The following GSTT4 variants were observed in gnomAD, a reference collection of about 807,000 sequenced individuals.
GSTT4 encodes glutathione S-transferase theta-4.
the GSTT4 span, among the ~76,000 whole-genome samples, chr22:23,992,525 G>A: frequency 6.9e-6 from 1 of 144,630 alleles, no homozygotes; most frequent in African/African-American, 2.6e-5. Context: ...TAGCAGTGTC[G>A]GCCTTGTGGG....
intron 2 of GSTT4, among the ~76,000 whole-genome samples, chr22:24,002,717 G>A (rs1268387549): frequency 6.6e-6 from 1 of 151,626 alleles, no homozygotes; most frequent in Admixed American, 6.6e-5. Flanking sequence ...TGTAGTCCCA[G>A]CTACTCAGGA....
At chr22:23,995,360 A>G (rs1218497849), downstream of GSTT4, among the ~76,000 whole-genome samples, 1 of 152,156 alleles carries the variant, frequency 6.6e-6, no homozygotes, top group Non-Finnish European at 1.5e-5. Context: ...TTCAACAGAA[A>G]CCCAGTAGCG....
At chr22:24,003,238 A>C (rs1430218587) in intron 2 of GSTT4, among the ~76,000 whole-genome samples, 2 of 78,790 alleles carry the variant, frequency 2.5e-5, no homozygotes, top group Non-Finnish European at 5.9e-5. Context: ...TTGAGATGGG[A>C]TCTCACTCTG....
the GSTT4 span, among the ~76,000 whole-genome samples, chr22:23,992,782 C>CAT: frequency 6.9e-6 from 1 of 145,206 alleles, no homozygotes. Context: ...CTCTACTATT[C>CAT]TTTTTTTTTT....
rs1038932906 is a variant in GSTT4, at chr22:23,998,693, G to C, written c.575C>G (p.Ala192Gly). ...YNVFLNSSKL[A>G]EWRMQVELNI... ...CAGCTCCACCTGCATACGCCACTCA[G>C]CTAGCTTGGAGCTGTTGAGGAAGAC... Residue 192 changes from alanine to glycine, a missense_variant, in exon 5 of 5, where the codon GCT becomes GGT. By Grantham distance (60) the Ala-to-Gly change is moderately conservative. Coordinates refer to ENST00000621179, the MANE Select transcript of GSTT4 (RefSeq NM_001358664.2). 1 of 154,818 alleles carries C rather than the reference G, an allele frequency of 6.5e-6. No homozygotes were observed. Among genetic ancestry groups the C allele is most frequent in the African/African-American group, 2.4e-5 (1 of 41,498 alleles). The allele number at this position is 154,818 out of a possible 1,614,324, so 9.6% of individuals were successfully genotyped here. A position where few individuals can be genotyped will look rare whatever the true frequency, so the allele number is the denominator to read the frequency against.
the GSTT4 span, among the ~76,000 whole-genome samples, chr22:23,992,855 G>T: frequency 3.4e-5 from 5 of 146,778 alleles, no homozygotes; most frequent in Admixed American, 2.7e-4. Context: ...TTAGCTTACT[G>T]CAGCCTCGAC....
intron 2 of GSTT4, among the ~76,000 whole-genome samples, chr22:24,003,040 T>C (rs1407994613): frequency 6.6e-6 from 1 of 152,150 alleles, no homozygotes; most frequent in Non-Finnish European, 1.5e-5. Context: ...GCAATCAGAG[T>C]TCACTGCAGT....
chr22:24,005,122 C>T (rs1212605552), intron 1 of GSTT4, 123 bp downstream of exon 1: 1 of 98,766 alleles, frequency 1.0e-5, no homozygotes. Context: ...GATAGCACCA[C>T]CGTACTCCAT....
intron 4 of GSTT4, 141 bp downstream of exon 4, chr22:23,999,934 C>G (rs2034189039): frequency 1.3e-5 from 2 of 154,024 alleles, no homozygotes; most frequent in South Asian, 4.1e-4. Context: ...TCCAGGCCCC[C>G]AGGCCTGGTT....
chr22:23,995,886 A>G (rs2034110817), downstream of GSTT4, among the ~76,000 whole-genome samples: 1 of 152,100 alleles, frequency 6.6e-6, no homozygotes, highest in African/African-American at 2.4e-5. Context: ...TTCATCCTTT[A>G]TTGCAAATGT....
At chr22:24,002,402 C>G (rs2034251332) in intron 2 of GSTT4, among the ~76,000 whole-genome samples, 1 of 152,270 alleles carries the variant, frequency 6.6e-6, no homozygotes, top group African/African-American at 2.4e-5. Context: ...TGATTGATGG[C>G]TGGTGTGGGA....
chr22:24,001,911 A>G (rs1413073176), intron 2 of GSTT4, among the ~76,000 whole-genome samples: 1 of 152,280 alleles, frequency 6.6e-6, no homozygotes, highest in African/African-American at 2.4e-5. Flanking sequence ...GAGTCACTTG[A>G]ACCTGGGAGG....
intron 2 of GSTT4, among the ~76,000 whole-genome samples, chr22:24,002,110 T>A (rs1268405867): frequency 6.6e-6 from 1 of 152,244 alleles, no homozygotes; most frequent in Non-Finnish European, 1.5e-5. Context: ...TGGGGAGTGA[T>A]GAGGCAGCCA....
chr22:23,992,925 C>T, the GSTT4 span, among the ~76,000 whole-genome samples: 1 of 152,110 alleles, frequency 6.6e-6, no homozygotes, highest in Admixed American at 6.5e-5. Context: ...CATGCGCATG[C>T]CACCAATCTG....
chr22:23,996,856 GA>G (rs1319339825), downstream of GSTT4, among the ~76,000 whole-genome samples: 1 of 152,098 alleles, frequency 6.6e-6, no homozygotes, highest in African/African-American at 2.4e-5. Context: ...AGTATGAGTT[GA>G]AAAATATTTC....
downstream of GSTT4, among the ~76,000 whole-genome samples, chr22:23,993,762 C>G (rs568934554): frequency 6.6e-6 from 1 of 152,142 alleles, no homozygotes; most frequent in African/African-American, 2.4e-5. Context: ...GTTGAAGAAG[C>G]CAATCAGCTC....
chr22:23,999,993 T>C, intron 4 of GSTT4, 82 bp downstream of exon 4: 1 of 155,310 alleles, frequency 6.4e-6, no homozygotes, highest in Non-Finnish European at 1.5e-5. Context: ...CTCACCAGCC[T>C]ATCCTCAAGT....
At chr22:24,003,020 G>A (rs2034268253) in intron 2 of GSTT4, among the ~76,000 whole-genome samples, 1 of 152,214 alleles carries the variant, frequency 6.6e-6, no homozygotes, top group African/African-American at 2.4e-5. Flanking sequence ...CCAGGCTGGA[G>A]TGCAGTGGCG....
chr22:23,999,983 C>T (rs2034190401), intron 4 of GSTT4, 92 bp downstream of exon 4: 1 of 155,152 alleles, frequency 6.4e-6, no homozygotes, highest in African/African-American at 2.4e-5. Context: ...CCTTTCCCGC[C>T]TCACCAGCCT....
Sources: gnomAD v4.1 joint callset for allele counts (sites outside exome capture counted in the v4.1 genomes callset) on GRCh38, gnomAD v4.1.1 for gene constraint, MANE v1.5 for transcripts, NCBI Gene and HGNC (gene_info 2026-07-23, HGNC 2026-07-21) for gene names.